The following COL22A1 variants were observed in gnomAD, a reference collection of about 807,000 sequenced individuals.
COL22A1 encodes collagen alpha-1(XXII) chain.
COL22A1 carries 221 observed loss-of-function variants against 248.9 expected under a neutral mutation model. The ratio of observed to expected loss-of-function variants is 0.89; its 90% CI spans 0.80 to 0.99. The LOEUF (loss-of-function observed/expected upper bound fraction) is 0.99. Ranked by LOEUF, COL22A1 falls within the 50% of genes least tolerant of loss-of-function variation. The probability of loss-of-function intolerance (pLI) is 0.00; values close to 1 mark genes in which losing one functional copy is unlikely to be tolerated. For synonymous variants in COL22A1, 891 were observed against 793.4 expected, an observed-to-expected ratio of 1.12 and a Z score of -2.07; for missense variants, 2,240 against 2,179.0, an observed-to-expected ratio of 1.03 and a Z score of -0.56.
intron 1 of COL22A1, among the ~76,000 whole-genome samples, chr8:138,884,090 C>G (rs914819751): frequency 6.6e-6 from 1 of 152,132 alleles, no homozygotes; most frequent in Non-Finnish European, 1.5e-5. Context: ...GGAGGGCTTC[C>G]CTCTACCTAA....
At chr8:138,621,825 G>A (rs75740390) in intron 52 of COL22A1, among the ~76,000 whole-genome samples, 14,793 of 152,222 alleles carry the variant, frequency 0.097, 753 homozygotes, top group South Asian at 0.17. Context: ...GCCACAGTGT[G>A]ATATGTGTGC....
chr8:138,604,846 C>T lies in COL22A1; in HGVS notation c.4105-77G>A, dbSNP rs527386462. The T allele has an allele frequency of 1.0e-5, 12 of 1,186,094 alleles. No individual in the cohort carries two copies. The South Asian group carries it at 1.5e-4, about 15-fold the overall frequency. The allele number at this position is 1,186,094 out of a possible 1,614,324, so 73.5% of individuals were successfully genotyped here. On this transcript the variant is annotated intron_variant, in intron 58 of 64. Transcript: ENST00000303045. ...GTACTAAGACTGTCTTTAAAACTGA[C>T]ATTTCCACTCAAGTCATGTTCCAGC...
intron 12 of COL22A1, among the ~76,000 whole-genome samples, chr8:138,796,389 CTTTTTT>C (rs11284610): frequency 1.5e-4 from 4 of 26,312 alleles, no homozygotes; most frequent in East Asian, 9.8e-4. Context: ...TGCTACTTTC[CTTTTTT>C]TTTTTTTTTT....
In COL22A1 at chr8:138,737,754, C is replaced by G. The variant is rs1321976702; in HGVS notation, c.2086-177G>C. 2.0e-5 allele frequency among the ~76,000 whole-genome samples: 3 copies of G among 151,928 alleles called. No homozygotes were observed. In the East Asian group the frequency reaches 5.8e-4, roughly 29 times the overall value. On this transcript the variant is annotated intron_variant, in intron 22 of 64. Transcript: ENST00000303045. ...TGTGGGATCAGAAAAAGGACTCAGGCTTTTTCTGAGGTCAGCAGTAAGGCT... is the reference window on the plus strand; with the variant it reads ...TGTGGGATCAGAAAAAGGACTCAGGGTTTTTCTGAGGTCAGCAGTAAGGCT...
chr8:138,700,670 T>A (rs997182810), intron 31 of COL22A1, among the ~76,000 whole-genome samples: 1 of 152,164 alleles, frequency 6.6e-6, no homozygotes, highest in Non-Finnish European at 1.5e-5. Flanking sequence ...TCCTTCAGCC[T>A]GGCCACCCCC....
chr8:138,849,741 T>C (rs1586885574), intron 3 of COL22A1, among the ~76,000 whole-genome samples: 1 of 152,294 alleles, frequency 6.6e-6, no homozygotes, highest in East Asian at 1.9e-4. Flanking sequence ...CATTGGCTTA[T>C]GCAACGGGAA....
chr8:138,714,237 C>T (rs116215584), intron 30 of COL22A1, among the ~76,000 whole-genome samples: 3,411 of 152,230 alleles, frequency 0.022, 133 homozygotes, highest in African/African-American at 0.077. Context: ...AGGCGTGTAT[C>T]AAAATCTCTC....
chr8:138,749,860 T>A (rs980460756), intron 22 of COL22A1, among the ~76,000 whole-genome samples: 1 of 152,160 alleles, frequency 6.6e-6, no homozygotes, highest in African/African-American at 2.4e-5. Context: ...GGGGTGGGGA[T>A]GCTGAATGGG....
intron 1 of COL22A1, among the ~76,000 whole-genome samples, chr8:138,892,721 AG>A (rs1424322381): frequency 3.3e-5 from 5 of 152,228 alleles, no homozygotes; most frequent in African/African-American, 1.2e-4. Flanking sequence ...ATTCCCATTC[AG>A]GGACCCAGAG....
At chr8:138,708,016 C>T (rs1333256603) in intron 30 of COL22A1, among the ~76,000 whole-genome samples, 1 of 151,996 alleles carries the variant, frequency 6.6e-6, no homozygotes, top group Admixed American at 6.6e-5. Context: ...AGCCAAATCA[C>T]GAGTGAACTC....
chr8:138,737,696 A>C, intron 22 of COL22A1, 119 bp from the exon 23 acceptor site: 1 of 679,184 alleles, frequency 1.5e-6, no homozygotes, highest in Non-Finnish European at 2.6e-6. Context: ...CAGATTAACA[A>C]TTGTCCCTCA....
intron 21 of COL22A1, 39 bp from the exon 22 acceptor site, chr8:138,751,550 A>C: frequency 6.9e-7 from 1 of 1,459,556 alleles, no homozygotes; most frequent in Non-Finnish European, 9.6e-7. Flanking sequence ...AGAGAAACAT[A>C]ATGGTAAATG....
intron 16 of COL22A1, among the ~76,000 whole-genome samples, chr8:138,775,412 G>A (rs1814340877): frequency 6.6e-6 from 1 of 152,208 alleles, no homozygotes; most frequent in African/African-American, 2.4e-5. Context: ...TCATGAAGGA[G>A]CCTCCACCTA....
At chr8:138,838,963 C>A (rs188882881) in intron 4 of COL22A1, among the ~76,000 whole-genome samples, 4 of 152,246 alleles carry the variant, frequency 2.6e-5, no homozygotes, top group Admixed American at 2.6e-4. Flanking sequence ...AACTTTGCTG[C>A]TGCCCTCCCC....
At chr8:138,662,948 G>A (rs1200574476) in intron 42 of COL22A1, among the ~76,000 whole-genome samples, 5 of 149,502 alleles carry the variant, frequency 3.3e-5, no homozygotes, top group East Asian at 2.0e-4. Flanking sequence ...CCCAGGAGGC[G>A]GAGATTGCAG....
chr8:138,646,828 C>A, intron 46 of COL22A1, 146 bp from the exon 47 acceptor site: 1 of 604,808 alleles, frequency 1.7e-6, no homozygotes, highest in Non-Finnish European at 2.9e-6. Flanking sequence ...CCTAGCCTGT[C>A]TGAGCAAAGG....
chr8:138,790,747 G>C (rs901422608), intron 12 of COL22A1, among the ~76,000 whole-genome samples: 1 of 152,206 alleles, frequency 6.6e-6, no homozygotes, highest in African/African-American at 2.4e-5. Flanking sequence ...GTCACCCAAA[G>C]GGCCCCCACC....
chr8:138,798,388 T>C (rs1260842033), intron 11 of COL22A1, among the ~76,000 whole-genome samples: 3 of 152,040 alleles, frequency 2.0e-5, no homozygotes, highest in African/African-American at 7.2e-5. Flanking sequence ...GAGTACTTTC[T>C]AGTGTAACAT....
intron 53 of COL22A1, among the ~76,000 whole-genome samples, chr8:138,619,211 A>G (rs1819563740): frequency 1.3e-5 from 2 of 152,244 alleles, no homozygotes; most frequent in African/African-American, 4.8e-5. Flanking sequence ...AATTATAATG[A>G]ATCAGATGAG....
Sources: allele counts gnomAD v4.1 joint callset (sites outside exome capture counted in the v4.1 genomes callset), GRCh38; gene constraint gnomAD v4.1.1; transcripts MANE v1.5; gene names NCBI Gene and HGNC (gene_info 2026-07-23, HGNC 2026-07-21).